Variants in TCERG1L observed in about 807,000 individuals in gnomAD.
TCERG1L encodes transcription elongation regulator 1 like.
A neutral mutation model predicts 56.3 loss-of-function variants in TCERG1L; 37 were observed. The observed-to-expected ratio is 0.66, with a 90% confidence interval of 0.51 to 0.87. TCERG1L has a LOEUF of 0.87. Ranked by LOEUF, TCERG1L falls within the 40% of genes least tolerant of loss-of-function variation. The probability of loss-of-function intolerance (pLI) is 0.00; values close to 1 mark genes in which losing one functional copy is unlikely to be tolerated. For synonymous variants in TCERG1L, 324 were observed against 326.3 expected (o/e 0.99, Z 0.08); for missense variants, 799 against 774.2 (o/e 1.03, Z -0.38).
intron 2 of TCERG1L, 135 bp from the exon 3 acceptor site, chr10:131,308,526 A>G (rs1846840250): frequency 2.7e-6 from 2 of 729,308 alleles, no homozygotes; most frequent in Admixed American, 5.9e-5. Flanking sequence ...CTATAAAACC[A>G]TCATTCTAAA....
intron 4 of TCERG1L, among the ~76,000 whole-genome samples, chr10:131,188,832 C>A (rs537889334): frequency 6.6e-6 from 1 of 152,312 alleles, no homozygotes; most frequent in African/African-American, 2.4e-5. Flanking sequence ...AATCTGGCCA[C>A]ACAACTGTCA....
At chr10:131,224,097 C>A (rs1173242394) in intron 4 of TCERG1L, among the ~76,000 whole-genome samples, 2 of 152,110 alleles carry the variant, frequency 1.3e-5, no homozygotes, top group Non-Finnish European at 2.9e-5. Flanking sequence ...ATTCTGGAAC[C>A]CTTCCTGTCT....
At chr10:131,300,555 A>G (rs1846750540) in intron 3 of TCERG1L, among the ~76,000 whole-genome samples, 1 of 152,048 alleles carries the variant, frequency 6.6e-6, no homozygotes, top group Non-Finnish European at 1.5e-5. Flanking sequence ...CTAATATTTT[A>G]ATTTGACTTT....
At chr10:131,168,673 C>T (rs1846057893) in intron 4 of TCERG1L, among the ~76,000 whole-genome samples, 1 of 152,220 alleles carries the variant, frequency 6.6e-6, no homozygotes, top group African/African-American at 2.4e-5. Flanking sequence ...TCACTCTGCA[C>T]AGCGCCCTGC....
chr10:131,236,240 G>A (rs1469263271), intron 4 of TCERG1L, among the ~76,000 whole-genome samples: 1 of 152,232 alleles, frequency 6.6e-6, no homozygotes, highest in Non-Finnish European at 1.5e-5. Context: ...GCTCCAACCT[G>A]TGATCTATGA....
At position 131,297,195 on chromosome 10, in the gene TCERG1L, C is replaced by CAAA. The variant is rs1846704761; in HGVS notation, c.670+11015_670+11016insTTT. ...CAGTTTGACGTTAGTGGTAGATCTT[C>CAAA]CTTAGATGTCCTTTGTCAGTTTGCG... is the stretch of plus-strand genomic sequence containing the variant. On this transcript the variant is annotated intron_variant, in intron 3 of 11. Coordinates refer to ENST00000368642, the MANE Select transcript of TCERG1L (RefSeq NM_174937.4). Among the ~76,000 whole-genome samples, 3 of 152,244 alleles carry CAAA rather than the reference C, an allele frequency of 2.0e-5. No individual in the cohort carries two copies. In the East Asian group the frequency reaches 5.8e-4, roughly 29 times the overall value.
intron 3 of TCERG1L, among the ~76,000 whole-genome samples, chr10:131,282,119 G>A (rs376402318): frequency 1.6e-5 from 2 of 121,312 alleles, no homozygotes; most frequent in African/African-American, 6.2e-5. Context: ...CTGGGCGAAA[G>A]AGCAAGACTC....
At chr10:131,097,055 C>A (rs1420369670) in intron 11 of TCERG1L, among the ~76,000 whole-genome samples, 1 of 151,814 alleles carries the variant, frequency 6.6e-6, no homozygotes, top group Non-Finnish European at 1.5e-5. Flanking sequence ...CAAAAATTAG[C>A]TGTGCATGGT....
chr10:131,238,997 C>T (rs1349870984), intron 4 of TCERG1L, among the ~76,000 whole-genome samples: 2 of 152,096 alleles, frequency 1.3e-5, no homozygotes, highest in Non-Finnish European at 2.9e-5. Context: ...GACTTAAACT[C>T]CGAGAACATA....
Position 131,311,565 on chromosome 10 carries a change from G to A in TCERG1L, c.71C>T (p.Pro24Leu). The A allele has an allele frequency of 8.6e-7, 1 of 1,165,382 alleles. No homozygotes were observed. The highest frequency in any genetic ancestry group is 1.1e-6 in the Non-Finnish European group (1 of 945,512). 72.2% of individuals were successfully genotyped at this position (1,165,382 alleles called of 1,614,324 possible). A position where few individuals can be genotyped will look rare whatever the true frequency, so the allele number is the denominator to read the frequency against. Reference protein sequence around the residue: ...LQQQQPRRRQPLLWPMDAEPP... With the variant: ...LQQQQPRRRQLLLWPMDAEPP... The stretch of plus-strand genomic sequence containing the variant: ...CTCTGCGTCCATCGGCCAGAGGAGA[G>A]GCTGCCGCCGCCGGGGCTGCTGCTG... The change falls in exon 1 of 12, where the codon CCT (proline) becomes CTT (leucine). Residue 24 changes from proline (P) to leucine (L), a missense_variant. By Grantham distance (98) the Pro-to-Leu change is moderately conservative. Coordinates refer to ENST00000368642, the MANE Select transcript of TCERG1L (RefSeq NM_174937.4). The surrounding 1 kb of genome is among the most constrained non-coding windows in gnomAD (Gnocchi z 4.0).
At chr10:131,130,069 C>T (rs1845601300) in intron 8 of TCERG1L, among the ~76,000 whole-genome samples, 1 of 150,042 alleles carries the variant, frequency 6.7e-6, no homozygotes, top group Non-Finnish European at 1.5e-5. Flanking sequence ...AAAGACATAT[C>T]CGAGACTGGG....
intron 4 of TCERG1L, among the ~76,000 whole-genome samples, chr10:131,234,667 T>C (rs970781093): frequency 1.3e-5 from 2 of 152,054 alleles, no homozygotes; most frequent in Admixed American, 6.6e-5. Flanking sequence ...TTCACTAAGC[T>C]GAGGATAATT....
At chr10:131,253,261 G>T (rs1003081623) in intron 4 of TCERG1L, among the ~76,000 whole-genome samples, 3 of 152,172 alleles carry the variant, frequency 2.0e-5, no homozygotes, top group Non-Finnish European at 4.4e-5. Flanking sequence ...GACTGACAAT[G>T]GTGCAGAAGA....
chr10:131,253,837 C>T (rs1403207267), intron 4 of TCERG1L, among the ~76,000 whole-genome samples: 1 of 152,108 alleles, frequency 6.6e-6, no homozygotes, highest in Non-Finnish European at 1.5e-5. Flanking sequence ...TTCCTGGCAC[C>T]AGGGCCTCAG....
At chr10:131,158,681 G>A (rs993849355) in intron 6 of TCERG1L, among the ~76,000 whole-genome samples, 2 of 152,214 alleles carry the variant, frequency 1.3e-5, no homozygotes, top group Non-Finnish European at 2.9e-5. Flanking sequence ...CTACACTTAC[G>A]TAGACAGAGG....
intron 3 of TCERG1L, among the ~76,000 whole-genome samples, chr10:131,305,012 T>A (rs546524263): frequency 4.6e-5 from 7 of 152,242 alleles, no homozygotes; most frequent in Non-Finnish European, 8.8e-5. Flanking sequence ...CTTGATTTTG[T>A]GTCTTTGGAC....
intron 3 of TCERG1L, among the ~76,000 whole-genome samples, chr10:131,291,021 G>C (rs531881250): frequency 6.6e-6 from 1 of 152,296 alleles, no homozygotes; most frequent in East Asian, 1.9e-4. Flanking sequence ...GCTGAGTAAA[G>C]AGGCAATGTG....
chr10:131,278,184 C>T (rs1340020472), intron 3 of TCERG1L, among the ~76,000 whole-genome samples: 1 of 152,024 alleles, frequency 6.6e-6, no homozygotes, highest in Non-Finnish European at 1.5e-5. Flanking sequence ...GGCAGAGCCA[C>T]GTGACCCCGG....
At chr10:131,154,057 T>C (rs957035076) in intron 6 of TCERG1L, among the ~76,000 whole-genome samples, 1 of 152,226 alleles carries the variant, frequency 6.6e-6, no homozygotes, top group Middle Eastern at 3.2e-3. Flanking sequence ...TTATGTACCA[T>C]TTTATGCCCA....
Sources: allele counts gnomAD v4.1 joint callset (sites outside exome capture counted in the v4.1 genomes callset), GRCh38; gene constraint gnomAD v4.1.1; non-coding constraint Gnocchi (gnomAD v3.1); transcripts MANE v1.5; gene names NCBI Gene and HGNC (gene_info 2026-07-23, HGNC 2026-07-21).